HEBP1: variants seen among roughly 807,000 people sequenced by gnomAD.
HEBP1 encodes heme-binding protein 1.
HEBP1 carries 13 observed loss-of-function variants against 20.4 expected under a neutral mutation model. The ratio of observed to expected loss-of-function variants is 0.64; its 90% CI spans 0.42 to 1.01. HEBP1 has a LOEUF of 1.01. HEBP1 is among the 50% of genes least tolerant of loss of function. HEBP1 has a pLI of 0.00. For missense variants in HEBP1, 241 were observed against 247.3 expected (o/e 0.97, Z 0.17); for synonymous variants, 92 against 90.7 (o/e 1.01, Z -0.08).
intron 2 of HEBP1, among the ~76,000 whole-genome samples, chr12:12,988,700 C>T (rs1174491986): frequency 2.6e-5 from 4 of 152,154 alleles, no homozygotes; most frequent in Non-Finnish European, 4.4e-5. Context: ...ACAGGTACAC[C>T]TTTCATGAGA....
chr12:12,994,578 GAC>G (rs2136551171), intron 1 of HEBP1, among the ~76,000 whole-genome samples: 1 of 152,278 alleles, frequency 6.6e-6, no homozygotes, highest in East Asian at 1.9e-4. Context: ...ACTCCAGCTT[GAC>G]TTGGAGAGCC....
Position 12,989,380 on chromosome 12 carries a change from G to A in HEBP1, c.114C>T (p.Gly38=), listed in dbSNP as rs199829664. The change falls in exon 2 of 4, where the codon GGC becomes GGT. Residue 38 remains glycine (G), a synonymous_variant. Transcript: ENST00000014930. ...EVAYEERACE[G]GKFATVEVTD... ...TCACTTCTACTGTGGCAAATTTGCCGCCTTCACAGGCCCTTTCTTCATAGG... is the reference window on the plus strand; with the variant it reads ...TCACTTCTACTGTGGCAAATTTGCCACCTTCACAGGCCCTTTCTTCATAGG... 86 of 1,613,992 alleles carry A rather than the reference G, an allele frequency of 5.3e-5. No homozygotes were observed. The highest frequency in any genetic ancestry group is 4.4e-5 in the South Asian group (4 of 91,084).
At chr12:12,995,272 A>C (rs112198342) in intron 1 of HEBP1, among the ~76,000 whole-genome samples, 29 of 152,300 alleles carry the variant, frequency 1.9e-4, no homozygotes, top group African/African-American at 7.0e-4. Flanking sequence ...TTGTAATTAC[A>C]ATTAAATGAT....
intron 3 of HEBP1, among the ~76,000 whole-genome samples, chr12:12,982,589 A>G (rs566096965): frequency 6.6e-6 from 1 of 152,334 alleles, no homozygotes; most frequent in South Asian, 2.1e-4. Context: ...TTAGAGGGAA[A>G]AATGACATCA....
chr12:12,982,958 G>A (rs1864105524), intron 3 of HEBP1, among the ~76,000 whole-genome samples: 2 of 152,140 alleles, frequency 1.3e-5, no homozygotes, highest in African/African-American at 4.8e-5. Context: ...CACCATAAAA[G>A]CTAGGTACTC....
intron 1 of HEBP1, among the ~76,000 whole-genome samples, chr12:12,989,971 A>G (rs1384005747): frequency 6.6e-6 from 1 of 152,168 alleles, no homozygotes; most frequent in Non-Finnish European, 1.5e-5. Context: ...ACCAAAATCC[A>G]TGGATGCTCA....
intron 1 of HEBP1, 139 bp from the exon 2 acceptor site, chr12:12,989,554 G>C (rs1864192808): frequency 3.0e-6 from 2 of 663,678 alleles, no homozygotes; most frequent in Non-Finnish European, 5.1e-6. Flanking sequence ...GAGTATGAAG[G>C]GCCATGAGAA....
At chr12:12,992,228 G>T (rs1298838337) in intron 1 of HEBP1, among the ~76,000 whole-genome samples, 8 of 152,184 alleles carry the variant, frequency 5.3e-5, no homozygotes, top group African/African-American at 1.9e-4. Flanking sequence ...TTTTGAGACA[G>T]AGTCTTGCTC....
intron 1 of HEBP1, among the ~76,000 whole-genome samples, chr12:12,993,218 A>C (rs1289058365): frequency 1.5e-5 from 2 of 133,234 alleles, no homozygotes; most frequent in African/African-American, 5.9e-5. Flanking sequence ...ATGGTTGCTC[A>C]AGCTGGAGTG....
In HEBP1 at chr12:12,989,227, T is replaced by G. The variant is rs767318923; in HGVS notation, c.217+50A>C. ...CATTTACCACTGATGAAGTGAGACC[T>G]TGCAAAGCTGGTCCCCGAGACCAGA... On this transcript the variant is annotated intron_variant, in intron 2 of 3. Transcript: ENST00000014930. 4.4e-6 allele frequency: 7 copies of G among 1,605,412 alleles called. No homozygotes were observed. The South Asian group carries it at 6.6e-5, about 15-fold the overall frequency.
At chr12:12,993,012 C>A (rs1037700095) in intron 1 of HEBP1, among the ~76,000 whole-genome samples, 4 of 152,158 alleles carry the variant, frequency 2.6e-5, no homozygotes, top group Non-Finnish European at 4.4e-5. Flanking sequence ...GTCTAATACT[C>A]GTTGCAAGGT....
intron 3 of HEBP1, among the ~76,000 whole-genome samples, chr12:12,978,247 A>G (rs1338014204): frequency 9.0e-6 from 1 of 110,904 alleles, no homozygotes; most frequent in African/African-American, 3.6e-5. Flanking sequence ...GTCTCACTCT[A>G]TTACCCAGGC....
At chr12:12,984,075 C>A in intron 3 of HEBP1, 1 of 185,774 alleles carries the variant, frequency 5.4e-6, no homozygotes, top group South Asian at 9.4e-5. Flanking sequence ...TAATTACACT[C>A]AAAAAACGAA....
At position 12,986,887 on chromosome 12, in the gene HEBP1, T is replaced by C; in HGVS notation, c.398+265A>G. 1 of 395,560 alleles carries C rather than the reference T, an allele frequency of 2.5e-6. No individual in the cohort carries two copies. Among genetic ancestry groups the C allele is most frequent in the Non-Finnish European group, 4.6e-6 (1 of 219,040 alleles). The allele number at this position is 395,560 out of a possible 1,614,324, so 24.5% of individuals were successfully genotyped here. ...TCCTAGAACCCTGCTATGGCTAATGTAGACATTCACTGTAAGCTTAAGCAA... is the reference window on the plus strand; with the variant it reads ...TCCTAGAACCCTGCTATGGCTAATGCAGACATTCACTGTAAGCTTAAGCAA... On this transcript the variant is annotated intron_variant, in intron 3 of 3. Transcript: ENST00000014930. The surrounding 1 kb of genome is among the most constrained non-coding windows in gnomAD (Gnocchi z 4.3).
intron 1 of HEBP1, among the ~76,000 whole-genome samples, chr12:12,992,573 A>G (rs1864237488): frequency 6.6e-6 from 1 of 152,172 alleles, no homozygotes; most frequent in South Asian, 2.1e-4. Context: ...GGTAGAGGAA[A>G]TTGCGCCAGA....
chr12:12,982,067 C>T (rs553759911), intron 3 of HEBP1, among the ~76,000 whole-genome samples: 24 of 152,290 alleles, frequency 1.6e-4, no homozygotes, highest in African/African-American at 5.3e-4. Context: ...AGGTGATCCA[C>T]CTGCCTTGGC....
rs1478780693 is a variant in HEBP1 at position 12,975,398 on chromosome 12, G to C, written c.480C>G (p.Thr160=). The part of the protein sequence containing the change: ...RLRAALEGTA[T]YRGDIYFCTG... ...TGCAGAAGTAGATGTCCCCCCGGTA[G>C]GTGGCTGTGCCCTCCAGGGCAGCAC... Residue 160 remains threonine, a synonymous_variant, in exon 4 of 4, where the codon ACC becomes ACG. Transcript: ENST00000014930. 3.1e-6 allele frequency: 5 copies of C among 1,613,748 alleles called. No homozygotes were observed. The African/African-American group carries it at 6.7e-5, about 22-fold the overall frequency.
intron 2 of HEBP1, among the ~76,000 whole-genome samples, chr12:12,987,663 C>T (rs1267212515): frequency 6.9e-6 from 1 of 144,418 alleles, no homozygotes; most frequent in Non-Finnish European, 1.5e-5. Flanking sequence ...CAGTCTTGCT[C>T]TGTTGCCCAG....
intron 3 of HEBP1, chr12:12,977,617 A>C (rs1342015251): frequency 1.3e-5 from 2 of 152,244 alleles, no homozygotes. Context: ...ACTAAAAAAA[A>C]CCATAGTAAT....
Sources: gnomAD v4.1 joint callset for allele counts (sites outside exome capture counted in the v4.1 genomes callset) on GRCh38, gnomAD v4.1.1 for gene constraint, Gnocchi (gnomAD v3.1) non-coding constraint, MANE v1.5 for transcripts, NCBI Gene and HGNC (gene_info 2026-07-23, HGNC 2026-07-21) for gene names.